The following NDUFAF2 variants were observed in gnomAD, a reference collection of about 807,000 sequenced individuals.
NDUFAF2 encodes the protein NADH:ubiquinone oxidoreductase complex assembly factor 2.
In NDUFAF2, 13 loss-of-function variants were observed where a neutral mutation model predicts 22.8. The observed-to-expected ratio is 0.57, with a 90% CI of 0.37 to 0.91. NDUFAF2 has a LOEUF of 0.91. Among genes scored for constraint, NDUFAF2 ranks in the 40% least tolerant of loss-of-function variants. The pLI is 0.01. For missense variants in NDUFAF2, 162 were observed against 195.2 expected (o/e 0.83, Z 1.01); for synonymous variants, 53 against 64.2 (o/e 0.83, Z 0.84).
intron 1 of NDUFAF2, among the ~76,000 whole-genome samples, chr5:61,032,136 A>G (rs1212687225): frequency 1.3e-5 from 2 of 152,168 alleles, no homozygotes; most frequent in African/African-American, 4.8e-5. Context: ...GACCTTTGTC[A>G]GATGGATAGA....
chr5:61,044,921 A>C (rs1427657207), intron 1 of NDUFAF2, among the ~76,000 whole-genome samples: 5 of 151,764 alleles, frequency 3.3e-5, no homozygotes, highest in Non-Finnish European at 5.9e-5. Flanking sequence ...GGGAGTATGG[A>C]CATGTTAGCA....
intron 1 of NDUFAF2, among the ~76,000 whole-genome samples, chr5:60,952,366 T>A (rs1359290492): frequency 6.6e-6 from 1 of 152,068 alleles, no homozygotes; most frequent in Non-Finnish European, 1.5e-5. Flanking sequence ...GGCACTGTTT[T>A]GGCCACATTT....
chr5:61,028,566 GATATACCACAGTTTATTTA>G (rs1336834173), intron 1 of NDUFAF2, among the ~76,000 whole-genome samples: 10 of 151,944 alleles, frequency 6.6e-5, no homozygotes, highest in Admixed American at 1.3e-4. Context: ...CCATAGTATG[GATATACCACAGTTTATTTA>G]ACCTTTGATT....
chr5:61,012,817 T>C (rs764480844), intron 1 of NDUFAF2, among the ~76,000 whole-genome samples: 16 of 152,078 alleles, frequency 1.1e-4, no homozygotes, highest in Non-Finnish European at 1.9e-4. Context: ...TAAAACATTT[T>C]ACAAAGAAAT....
At chr5:60,988,441 A>G (rs916144883) in intron 1 of NDUFAF2, among the ~76,000 whole-genome samples, 7 of 152,228 alleles carry the variant, frequency 4.6e-5, no homozygotes, top group African/African-American at 1.4e-4. Context: ...TAAAATTCAT[A>G]TGGAACCAAA....
intron 1 of NDUFAF2, among the ~76,000 whole-genome samples, chr5:61,063,644 A>G (rs1349848444): frequency 6.6e-6 from 1 of 152,134 alleles, no homozygotes; most frequent in African/African-American, 2.4e-5. Context: ...GTATGCATCA[A>G]TGTTGAGTAA....
At chr5:61,126,948 G>T (rs1213722774) in intron 3 of NDUFAF2, among the ~76,000 whole-genome samples, 5 of 152,038 alleles carry the variant, frequency 3.3e-5, no homozygotes, top group African/African-American at 1.2e-4. Flanking sequence ...AAATAATAAA[G>T]GGGATATCAC....
At chr5:60,998,971 A>G (rs937963839) in intron 1 of NDUFAF2, among the ~76,000 whole-genome samples, 2 of 152,088 alleles carry the variant, frequency 1.3e-5, no homozygotes, top group East Asian at 3.9e-4. Flanking sequence ...GCTACTTCCT[A>G]TGGTAGAGAA....
chr5:60,952,087 T>A (rs1750555103), intron 1 of NDUFAF2, among the ~76,000 whole-genome samples: 1 of 151,886 alleles, frequency 6.6e-6, no homozygotes, highest in South Asian at 2.1e-4. Flanking sequence ...GAATTGATAA[T>A]TTGTGGCTAT....
intron 1 of NDUFAF2, among the ~76,000 whole-genome samples, chr5:61,034,556 CTG>C (rs750660566): frequency 2.0e-5 from 3 of 152,116 alleles, no homozygotes; most frequent in Non-Finnish European, 2.9e-5. Flanking sequence ...TGGTTCATGA[CTG>C]TATTTTAAGT....
chr5:61,008,948 C>A (rs1343297396), intron 1 of NDUFAF2, among the ~76,000 whole-genome samples: 1 of 151,932 alleles, frequency 6.6e-6, no homozygotes, highest in Non-Finnish European at 1.5e-5. Flanking sequence ...TTTATTTTCC[C>A]AAGTGTGTCT....
chr5:61,109,252 G>A (rs1752805803), intron 3 of NDUFAF2, among the ~76,000 whole-genome samples: 1 of 152,052 alleles, frequency 6.6e-6, no homozygotes, highest in African/African-American at 2.4e-5. Flanking sequence ...ATTTCAGATT[G>A]TTTGCTGGTG....
rs558507185 is a variant in NDUFAF2, at chr5:60,997,238, G to A, written c.127+51856G>A. ...GTGGCTTATGTTTATCAACATAAAG[G>A]TTTGGTGATTTCATTATAGTTTCTA... On this transcript the variant is annotated intron_variant, in intron 1 of 3. Coordinates refer to ENST00000296597, the MANE Select transcript of NDUFAF2 (RefSeq NM_174889.5). 3.3e-5 allele frequency among the ~76,000 whole-genome samples: 5 copies of A among 152,290 alleles called. No individual in the cohort carries two copies. The East Asian group carries it at 5.8e-4, about 18-fold the overall frequency.
intron 1 of NDUFAF2, among the ~76,000 whole-genome samples, chr5:60,964,056 A>T (rs1001222545): frequency 4.0e-5 from 6 of 151,782 alleles, no homozygotes; most frequent in East Asian, 1.9e-4. Context: ...GGATTGCTGA[A>T]TTTTTTTTTA....
Position 60,976,446 on chromosome 5 carries a change from C to T in NDUFAF2, c.127+31064C>T, listed in dbSNP as rs190364001. On this transcript the variant is annotated intron_variant, in intron 1 of 3. Transcript: ENST00000296597. ...CACATATTATAGTCTTTCTGTCCTC[C>T]GCACTTATGTTGATCCTTAACATAT... 2.7e-4 allele frequency among the ~76,000 whole-genome samples: 41 copies of T among 152,130 alleles called. 1 individual carries two copies. The East Asian group carries it at 7.0e-3, about 26-fold the overall frequency.
intron 3 of NDUFAF2, among the ~76,000 whole-genome samples, chr5:61,120,891 A>G (rs913180075): frequency 6.6e-6 from 1 of 152,096 alleles, no homozygotes; most frequent in Non-Finnish European, 1.5e-5. Flanking sequence ...CACCAAAACA[A>G]TTTATGTTTT....
chr5:61,152,428 ATTTG>A (rs973229233), intron 3 of NDUFAF2, among the ~76,000 whole-genome samples: 16 of 152,232 alleles, frequency 1.1e-4, no homozygotes, highest in African/African-American at 3.9e-4. Flanking sequence ...AATATTTCAC[ATTTG>A]TTTGTTTCAT....
At chr5:61,122,594 C>T (rs1236955605) in intron 3 of NDUFAF2, among the ~76,000 whole-genome samples, 1 of 152,132 alleles carries the variant, frequency 6.6e-6, no homozygotes, top group East Asian at 1.9e-4. Flanking sequence ...AAATTTTCTT[C>T]TATGTTTTTG....
At chr5:61,058,438 G>A (rs1423871362) in intron 1 of NDUFAF2, among the ~76,000 whole-genome samples, 1 of 151,932 alleles carries the variant, frequency 6.6e-6, no homozygotes. Flanking sequence ...TATCAAGGGT[G>A]TACCAGATTG....
Sources: allele counts gnomAD v4.1 joint callset (sites outside exome capture counted in the v4.1 genomes callset), GRCh38; gene constraint gnomAD v4.1.1; transcripts MANE v1.5; gene names NCBI Gene and HGNC (gene_info 2026-07-23, HGNC 2026-07-21).